Variants in PRKN observed in about 807,000 individuals in gnomAD.
PRKN encodes the protein parkin RBR E3 ubiquitin protein ligase.
Under a neutral mutation model 59.5 loss-of-function variants are expected in PRKN, and 56 were observed. The observed-to-expected ratio is 0.94, with a 90% CI of 0.76 to 1.18. PRKN has a LOEUF of 1.18. Among genes scored for constraint, PRKN ranks in the 50% most tolerant of loss-of-function variants. The pLI, the probability that PRKN is intolerant of heterozygous loss-of-function variation, is 0.00. For synonymous variants in PRKN, 250 were observed against 222.1 expected (o/e 1.13, Z -1.12); for missense variants, 657 against 596.4 (o/e 1.10, Z -1.06).
intron 4 of PRKN, among the ~76,000 whole-genome samples, chr6:162,107,404 G>T (rs1029771321): frequency 1.3e-5 from 2 of 152,232 alleles, no homozygotes; most frequent in African/African-American, 4.8e-5. Context: ...GGTGGAGGTT[G>T]CAGTGAGCCG....
At chr6:162,011,457 A>ATATTATATATTTATAATATATAATATAT (rs1256107727) in intron 5 of PRKN, among the ~76,000 whole-genome samples, 1 of 34,956 alleles carries the variant, frequency 2.9e-5, no homozygotes, top group African/African-American at 1.6e-4. Context: ...AATATATAAT[A>ATATTATATATTTATAATATATAATATAT]TATATATTAT....
intron 1 of PRKN, among the ~76,000 whole-genome samples, chr6:162,681,944 T>C (rs1004843419): frequency 6.6e-6 from 1 of 152,158 alleles, no homozygotes; most frequent in Non-Finnish European, 1.5e-5. Flanking sequence ...TTTGTCCAAT[T>C]CTTTGCTCAA....
intron 1 of PRKN, among the ~76,000 whole-genome samples, chr6:162,459,178 T>C (rs1008954988): frequency 8.5e-5 from 13 of 152,150 alleles, no homozygotes; most frequent in Admixed American, 2.6e-4. Context: ...ATTAAAAATA[T>C]TGAAGCAGAT....
At chr6:162,605,032 A>C (rs1781855007) in intron 1 of PRKN, among the ~76,000 whole-genome samples, 1 of 152,138 alleles carries the variant, frequency 6.6e-6, no homozygotes, top group African/African-American at 2.4e-5. Flanking sequence ...CTCCAAAATT[A>C]CTTGCATGTA....
chr6:161,910,634 G>A (rs1351960638), intron 6 of PRKN, among the ~76,000 whole-genome samples: 1 of 152,160 alleles, frequency 6.6e-6, no homozygotes, highest in African/African-American at 2.4e-5. Flanking sequence ...CTCCAATTTT[G>A]AAGGAAGTTC....
chr6:161,848,401 T>C (rs1030550803), intron 6 of PRKN, among the ~76,000 whole-genome samples: 1 of 152,216 alleles, frequency 6.6e-6, no homozygotes. Flanking sequence ...ATGCATTTTC[T>C]TATCATAGGG....
intron 9 of PRKN, among the ~76,000 whole-genome samples, chr6:161,532,186 ATATATAATCT>A (rs1779247687): frequency 7.4e-6 from 1 of 134,470 alleles, no homozygotes; most frequent in Non-Finnish European, 1.6e-5. Flanking sequence ...ATATATATAT[ATATATAATCT>A]ATCTATGTGT....
At chr6:161,898,839 A>T (rs970439310) in intron 6 of PRKN, among the ~76,000 whole-genome samples, 1 of 152,206 alleles carries the variant, frequency 6.6e-6, no homozygotes, top group Non-Finnish European at 1.5e-5. Context: ...CCTATTGCAA[A>T]TGTACGCTTG....
chr6:161,604,535 C>A (rs1240315432), intron 7 of PRKN, among the ~76,000 whole-genome samples: 1 of 152,220 alleles, frequency 6.6e-6, no homozygotes, highest in Non-Finnish European at 1.5e-5. Context: ...GTTTATTCAG[C>A]TGGAGGAAGA....
chr6:161,481,540 G>T lies in PRKN; in HGVS notation c.1083+67314C>A, dbSNP rs139006662. On this transcript the variant is annotated intron_variant, in intron 9 of 11. Coordinates refer to ENST00000366898, the MANE Select transcript of PRKN (RefSeq NM_004562.3). ...GATTGTTTGAACCTGGGAGGTGGAG[G>T]TTGCAGTGAGCTGAGGTCGCACCAC... Among the ~76,000 whole-genome samples the T allele has an allele frequency of 7.7e-3, 1,169 of 152,184 alleles. 16 individuals carry two copies. Among genetic ancestry groups the T allele is most frequent in the African/African-American group, 0.027 (1,118 of 41,494 alleles).
intron 4 of PRKN, among the ~76,000 whole-genome samples, chr6:162,133,801 GA>G (rs1358200857): frequency 6.6e-6 from 1 of 152,132 alleles, no homozygotes; most frequent in Non-Finnish European, 1.5e-5. Flanking sequence ...AGTCATGAAA[GA>G]AAATGACCAT....
At chr6:162,419,363 TTAATAA>T in intron 2 of PRKN, among the ~76,000 whole-genome samples, 1 of 152,292 alleles carries the variant, frequency 6.6e-6, no homozygotes, top group Admixed American at 6.5e-5. Flanking sequence ...AGATGTGTGA[TTAATAA>T]TAATAGCTAA....
intron 6 of PRKN, among the ~76,000 whole-genome samples, chr6:161,879,557 A>G (rs1263125415): frequency 1.3e-5 from 2 of 152,062 alleles, no homozygotes; most frequent in Non-Finnish European, 2.9e-5. Context: ...CGTGTTAACC[A>G]GGATGGTCTC....
intron 1 of PRKN, among the ~76,000 whole-genome samples, chr6:162,479,693 G>A (rs1792196860): frequency 6.6e-6 from 1 of 151,628 alleles, no homozygotes; most frequent in African/African-American, 2.4e-5. Flanking sequence ...CATCTCCTGT[G>A]ATCACAATGC....
intron 7 of PRKN, among the ~76,000 whole-genome samples, chr6:161,604,465 G>A (rs530387787): frequency 5.3e-5 from 8 of 152,226 alleles, no homozygotes; most frequent in South Asian, 2.1e-4. Context: ...CAATCTACTC[G>A]GCTAACAACT....
chr6:162,648,638 T>G (rs1778292587), intron 1 of PRKN, among the ~76,000 whole-genome samples: 1 of 152,168 alleles, frequency 6.6e-6, no homozygotes, highest in Non-Finnish European at 1.5e-5. Flanking sequence ...CGCCTCAGCC[T>G]CCCAAAGTGC....
chr6:162,355,323 T>C (rs1259427745), intron 2 of PRKN, among the ~76,000 whole-genome samples: 1 of 151,518 alleles, frequency 6.6e-6, no homozygotes, highest in African/African-American at 2.4e-5. Context: ...CATTATCTAT[T>C]TAATTAAGAG....
At chr6:162,394,837 A>G (rs1272496506) in intron 2 of PRKN, among the ~76,000 whole-genome samples, 1 of 152,232 alleles carries the variant, frequency 6.6e-6, no homozygotes, top group African/African-American at 2.4e-5. Context: ...GTTATGATAA[A>G]ACACTTTTAA....
At chr6:161,679,271 T>C (rs966376983) in intron 7 of PRKN, among the ~76,000 whole-genome samples, 5 of 152,206 alleles carry the variant, frequency 3.3e-5, no homozygotes, top group Non-Finnish European at 5.9e-5. Flanking sequence ...TACAGTGTTT[T>C]ATCTTTCAAA....
Sources: gnomAD v4.1 joint callset for allele counts (sites outside exome capture counted in the v4.1 genomes callset) on GRCh38, gnomAD v4.1.1 for gene constraint, MANE v1.5 for transcripts, NCBI Gene and HGNC (gene_info 2026-07-23, HGNC 2026-07-21) for gene names.